SAMD5: variants seen among roughly 807,000 people sequenced by gnomAD.
SAMD5 encodes sterile alpha motif domain-containing protein 5.
SAMD5 carries 13 observed loss-of-function variants against 11.3 expected under a neutral mutation model. The observed-to-expected ratio is 1.15, with a 90% CI of 0.75 to 1.83. The LOEUF (loss-of-function observed/expected upper bound fraction) is 1.83. Among genes scored for constraint, SAMD5 ranks in the 40% most tolerant of loss-of-function variants. The pLI, the probability that SAMD5 is intolerant of heterozygous loss-of-function variation, is 0.00. For synonymous variants in SAMD5, 129 were observed against 111.3 expected, an observed-to-expected ratio of 1.16 and a Z score of -1.00; for missense variants, 255 against 239.1, an observed-to-expected ratio of 1.07 and a Z score of -0.44.
intron 1 of SAMD5, among the ~76,000 whole-genome samples, chr6:147,721,959 A>C: frequency 6.6e-6 from 1 of 152,250 alleles, no homozygotes; most frequent in Non-Finnish European, 1.5e-5. Flanking sequence ...ATGATTAATG[A>C]GAAGTGTTAC....
At chr6:147,719,161 G>A (rs1019304271) in intron 1 of SAMD5, among the ~76,000 whole-genome samples, 2 of 152,204 alleles carry the variant, frequency 1.3e-5, no homozygotes, top group African/African-American at 4.8e-5. Context: ...TGCTCCCAGA[G>A]CTATTCTAGA....
chr6:147,650,279 A>G (rs1283650890), intron 1 of SAMD5, among the ~76,000 whole-genome samples: 4 of 152,188 alleles, frequency 2.6e-5, no homozygotes, highest in Non-Finnish European at 4.4e-5. Flanking sequence ...TCATATTGTA[A>G]GCCATATGGA....
chr6:147,558,297 C>G (rs541815927), intron 1 of SAMD5, among the ~76,000 whole-genome samples: 1 of 152,124 alleles, frequency 6.6e-6, no homozygotes, highest in African/African-American at 2.4e-5. Context: ...AGCCAGGCAA[C>G]AGAAGTGTTG....
the SAMD5 span, among the ~76,000 whole-genome samples, chr6:147,950,188 C>G: frequency 6.6e-6 from 1 of 152,318 alleles, no homozygotes; most frequent in Non-Finnish European, 1.5e-5. Flanking sequence ...CTAATATGAT[C>G]ATTTTGCATT....
At chr6:147,644,013 G>C (rs1303837414) in intron 1 of SAMD5, among the ~76,000 whole-genome samples, 1 of 152,054 alleles carries the variant, frequency 6.6e-6, no homozygotes, top group Admixed American at 6.6e-5. Flanking sequence ...TAGGAAAATT[G>C]GTACGTTATT....
intron 1 of SAMD5, among the ~76,000 whole-genome samples, chr6:147,626,937 C>A (rs1790063952): frequency 1.3e-5 from 2 of 151,796 alleles, no homozygotes; most frequent in South Asian, 4.2e-4. Context: ...TTATTCTATT[C>A]CTCTTCTTCT....
chr6:147,753,288 A>G, the SAMD5 span, among the ~76,000 whole-genome samples: 1 of 152,186 alleles, frequency 6.6e-6, no homozygotes, highest in Non-Finnish European at 1.5e-5. Flanking sequence ...AGTGCTTATC[A>G]TGTCACAGGC....
the SAMD5 span, among the ~76,000 whole-genome samples, chr6:147,936,224 T>G: frequency 6.6e-6 from 1 of 152,210 alleles, no homozygotes; most frequent in African/African-American, 2.4e-5. Flanking sequence ...ACTATTACCC[T>G]TGTATTAGTA....
chr6:147,632,712 A>G (rs1480675409), intron 1 of SAMD5, among the ~76,000 whole-genome samples: 1 of 152,214 alleles, frequency 6.6e-6, no homozygotes, highest in Non-Finnish European at 1.5e-5. Flanking sequence ...ACTGAGTCAT[A>G]AATTTAAAAG....
intron 1 of SAMD5, among the ~76,000 whole-genome samples, chr6:147,724,701 G>T (rs1384732833): frequency 6.6e-6 from 1 of 152,136 alleles, no homozygotes; most frequent in Non-Finnish European, 1.5e-5. Context: ...TCTGGCTCAT[G>T]ATGGAGATGG....
intron 1 of SAMD5, among the ~76,000 whole-genome samples, chr6:147,629,297 G>A (rs1170143013): frequency 1.3e-5 from 2 of 148,912 alleles, no homozygotes; most frequent in Admixed American, 6.8e-5. Flanking sequence ...GGCGACAAGA[G>A]CAAAGCTCCA....
At chr6:147,652,864 T>C (rs952839626) in intron 1 of SAMD5, among the ~76,000 whole-genome samples, 9 of 152,228 alleles carry the variant, frequency 5.9e-5, no homozygotes, top group African/African-American at 1.7e-4. Flanking sequence ...TGCCAGCAAC[T>C]GTCTTAGATG....
intron 1 of SAMD5, among the ~76,000 whole-genome samples, chr6:147,511,607 T>C (rs1554229681): frequency 1.4e-5 from 2 of 141,972 alleles, no homozygotes; most frequent in Non-Finnish European, 3.0e-5. Context: ...ATCTCCCTCA[T>C]TGATCCTTGA....
At chr6:147,685,233 G>T (rs1025504361) in intron 1 of SAMD5, among the ~76,000 whole-genome samples, 1 of 152,158 alleles carries the variant, frequency 6.6e-6, no homozygotes, top group Non-Finnish European at 1.5e-5. Context: ...GTCTCACTTT[G>T]TCACTCAGGC....
the SAMD5 span, among the ~76,000 whole-genome samples, chr6:147,909,083 C>T: frequency 1.3e-5 from 2 of 152,142 alleles, no homozygotes; most frequent in East Asian, 1.9e-4. Context: ...GTGGTGTGCA[C>T]CTGCAGTCCT....
chr6:147,666,236 C>T (rs1185018841), intron 1 of SAMD5, among the ~76,000 whole-genome samples: 1 of 152,156 alleles, frequency 6.6e-6, no homozygotes, highest in Non-Finnish European at 1.5e-5. Context: ...CGCACCCGGC[C>T]GTTTTTTAAA....
Position 147,720,009 on chromosome 6 carries a change from T to G in SAMD5, c.163-17308T>G, listed in dbSNP as rs150075130. Among the ~76,000 whole-genome samples, 109 of 152,340 alleles carry G rather than the reference T, an allele frequency of 7.2e-4. 1 individual carries two copies. Among genetic ancestry groups the G allele is most frequent in the African/African-American group, 2.4e-3 (98 of 41,582 alleles). ...GAGAAACATGGATGTGCTTATAGTC[T>G]TCATTGCTCTGGCTGTGTTTTATCC... On this transcript the variant is annotated intron_variant, in intron 1 of 1. Transcript: ENST00000566741.
chr6:147,527,895 T>C (rs899353680), intron 1 of SAMD5, among the ~76,000 whole-genome samples: 1 of 152,094 alleles, frequency 6.6e-6, no homozygotes, highest in African/African-American at 2.4e-5. Context: ...ACCATCTGCT[T>C]CTAGAGAGGC....
chr6:147,874,137 T>C, the SAMD5 span, among the ~76,000 whole-genome samples: 10 of 152,316 alleles, frequency 6.6e-5, no homozygotes, highest in Middle Eastern at 3.4e-3. Flanking sequence ...TAAGCAAGAA[T>C]AGAAGGCTTT....
Sources: gnomAD v4.1 joint callset for allele counts (sites outside exome capture counted in the v4.1 genomes callset) on GRCh38, gnomAD v4.1.1 for gene constraint, MANE v1.5 for transcripts, NCBI Gene and HGNC (gene_info 2026-07-23, HGNC 2026-07-21) for gene names.